Variants in HIVEP1 observed in about 807,000 individuals in gnomAD.
The protein encoded by HIVEP1 is HIVEP zinc finger 1.
HIVEP1 carries 36 observed loss-of-function variants against 180.0 expected under a neutral mutation model. That is an observed-to-expected ratio of 0.20 (90% CI 0.15 to 0.26). The LOEUF (loss-of-function observed/expected upper bound fraction) is 0.26, where lower values mean the gene tolerates loss of function less well. Among genes scored for constraint, HIVEP1 ranks in the 10% least tolerant of loss-of-function variants. The pLI is 1.00. For synonymous variants in HIVEP1, 1,239 were observed against 1,239.0 expected (o/e 1.00, Z 0.00); for missense variants, 3,143 against 3,268.7 (o/e 0.96, Z 0.94).
At chr6:12,181,000 G>A in the HIVEP1 span, among the ~76,000 whole-genome samples, 2 of 152,190 alleles carry the variant, frequency 1.3e-5, no homozygotes, top group African/African-American at 4.8e-5. Flanking sequence ...AAGACCTCAT[G>A]CTCTGAATAT....
the HIVEP1 span, among the ~76,000 whole-genome samples, chr6:12,207,921 A>AAT: frequency 6.6e-6 from 1 of 150,866 alleles, no homozygotes; most frequent in Admixed American, 6.6e-5. Context: ...AAAAAAAAAA[A>AAT]TCTAGATTTA....
chr6:12,194,575 T>G, the HIVEP1 span, among the ~76,000 whole-genome samples: 1 of 147,092 alleles, frequency 6.8e-6, no homozygotes, highest in African/African-American at 2.4e-5. Flanking sequence ...CCGAGGTGGG[T>G]GGGTCACTTT....
In HIVEP1 at chr6:12,124,707, A is replaced by T; in HGVS notation, c.4912A>T (p.Ile1638Leu). The T allele has an allele frequency of 6.2e-7, 1 of 1,614,188 alleles. No individual in the cohort carries two copies. Among genetic ancestry groups the T allele is most frequent in the Non-Finnish European group, 8.5e-7 (1 of 1,180,030 alleles). ...QKVPSSFMLPIRLQSSVPAYC... is the reference protein window; with the variant it reads ...QKVPSSFMLPLRLQSSVPAYC... The stretch of plus-strand genomic sequence containing the variant: ...GGTGCCATCATCATTCATGCTGCCC[A>T]TACGCCTGCAGAGTAGTGTTCCTGC... Residue 1638 changes from isoleucine (I) to leucine (L), a missense_variant, in exon 4 of 9, where the codon ATA becomes TTA. This residue lies in a region of HIVEP1 where 1,357 missense variants were observed against 1,260.5 expected (regional missense o/e 1.08). Transcript: ENST00000379388.
chr6:12,146,677 G>A (rs1321730592), intron 7 of HIVEP1, among the ~76,000 whole-genome samples: 1 of 152,038 alleles, frequency 6.6e-6, no homozygotes, highest in Non-Finnish European at 1.5e-5. Context: ...TGACTATTCT[G>A]TGTTCTCATC....
rs767511107 is a variant in HIVEP1 at position 12,123,176 on chromosome 6, G to A, written c.3381G>A (p.Gln1127=). The A allele has an allele frequency of 1.2e-6, 2 of 1,614,218 alleles. No individual in the cohort carries two copies. Among genetic ancestry groups the A allele is most frequent in the Admixed American group, 1.7e-5 (1 of 60,028 alleles). The part of the protein sequence containing the change: ...SSAAQDKIEL[Q]RHGTGISVIQ... The stretch of plus-strand genomic sequence containing the variant: ...CAGCCCAGGACAAGATAGAACTGCA[G>A]AGACACGGAACTGGAATCTCTGTCA... Residue 1127 remains glutamine, a synonymous_variant, in exon 4 of 9, where the codon CAG becomes CAA. Coordinates refer to ENST00000379388, the MANE Select transcript of HIVEP1 (RefSeq NM_002114.4).
intron 2 of HIVEP1, among the ~76,000 whole-genome samples, chr6:12,046,865 G>GTGTGTGTGTGTC (rs1561885747): frequency 6.6e-6 from 1 of 151,560 alleles, no homozygotes; most frequent in African/African-American, 2.4e-5. Flanking sequence ...GTGTGTGTGT[G>GTGTGTGTGTGTC]TGTGTGTGTG....
intron 2 of HIVEP1, among the ~76,000 whole-genome samples, chr6:12,084,704 TA>T (rs374052169): frequency 2.0e-5 from 3 of 152,262 alleles, no homozygotes; most frequent in African/African-American, 7.2e-5. Context: ...CCTCTGTCAG[TA>T]AACAGAGGTG....
downstream of HIVEP1, chr6:12,165,041 A>T: frequency 2.1e-6 from 1 of 471,416 alleles, no homozygotes; most frequent in Admixed American, 2.4e-5. Context: ...TCCAGTGATC[A>T]GTGATCTGCA....
chr6:12,096,684 G>A (rs547539853), intron 3 of HIVEP1, among the ~76,000 whole-genome samples: 8 of 151,640 alleles, frequency 5.3e-5, no homozygotes, highest in South Asian at 2.1e-4. Flanking sequence ...GGCTAATTTC[G>A]AATAAATATT....
chr6:12,134,780 A>C (rs891495875), intron 6 of HIVEP1, among the ~76,000 whole-genome samples: 1 of 152,210 alleles, frequency 6.6e-6, no homozygotes, highest in South Asian at 2.1e-4. Context: ...AGTGGTTCTC[A>C]GCTAGCATGG....
intron 3 of HIVEP1, among the ~76,000 whole-genome samples, chr6:12,115,967 T>C (rs1417909979): frequency 6.6e-6 from 1 of 151,792 alleles, no homozygotes; most frequent in Non-Finnish European, 1.5e-5. Context: ...ATGTATTTTA[T>C]ATTTAATTCA....
At chr6:12,095,550 TAATTG>T (rs1773736432) in intron 3 of HIVEP1, among the ~76,000 whole-genome samples, 1 of 150,262 alleles carries the variant, frequency 6.7e-6, no homozygotes, top group African/African-American at 2.4e-5. Flanking sequence ...ATTTCTCACT[TAATTG>T]CATTGTATTG....
At chr6:12,175,831 C>T in the HIVEP1 span, among the ~76,000 whole-genome samples, 1 of 152,104 alleles carries the variant, frequency 6.6e-6, no homozygotes, top group African/African-American at 2.4e-5. Context: ...TTGTAGATGA[C>T]GCGGCACCAT....
At chr6:12,017,142 C>T (rs1309931095) in intron 2 of HIVEP1, among the ~76,000 whole-genome samples, 4 of 152,142 alleles carry the variant, frequency 2.6e-5, no homozygotes, top group South Asian at 2.1e-4. Context: ...AAATGACTAT[C>T]CTGAGAAACA....
chr6:12,182,534 A>G, the HIVEP1 span, among the ~76,000 whole-genome samples: 1 of 152,206 alleles, frequency 6.6e-6, no homozygotes, highest in African/African-American at 2.4e-5. Flanking sequence ...AGTGATTTCA[A>G]AGAAGGTTTT....
chr6:12,147,736 A>G (rs1273539100), intron 7 of HIVEP1, among the ~76,000 whole-genome samples: 1 of 152,212 alleles, frequency 6.6e-6, no homozygotes, highest in Non-Finnish European at 1.5e-5. Context: ...TCTCCACCAG[A>G]TGGAGTTTAA....
chr6:12,122,435 A>G lies in HIVEP1; in HGVS notation c.2640A>G (p.Val880=), dbSNP rs373063986. 19 of 1,614,232 alleles carry G rather than the reference A, an allele frequency of 1.2e-5. No homozygotes were observed. Among genetic ancestry groups the G allele is most frequent in the Middle Eastern group, 1.6e-4 (1 of 6,062 alleles). The change falls in exon 4 of 9, where the codon GTA becomes GTG. Residue 880 remains valine (V), a synonymous_variant. Coordinates refer to ENST00000379388, the MANE Select transcript of HIVEP1 (RefSeq NM_002114.4). ...GCGCTTTCTATGATGATGTCTTTGT[A>G]TCGGGACCTAACGCTCCTGTGCCCC... ...KIGAFYDDVF[V]SGPNAPVPQS...
intron 3 of HIVEP1, among the ~76,000 whole-genome samples, chr6:12,105,543 G>A (rs1401105207): frequency 6.6e-6 from 1 of 152,086 alleles, no homozygotes; most frequent in African/African-American, 2.4e-5. Context: ...GTAATCTGTT[G>A]TCCTGAGAGG....
At chr6:12,017,007 G>C (rs1172745069) in intron 2 of HIVEP1, among the ~76,000 whole-genome samples, 1 of 152,202 alleles carries the variant, frequency 6.6e-6, no homozygotes, top group East Asian at 1.9e-4. Context: ...GTTCCTGGCA[G>C]CTAATGGCAG....
Sources: gnomAD v4.1 joint callset for allele counts (sites outside exome capture counted in the v4.1 genomes callset) on GRCh38, gnomAD v4.1.1 for gene constraint, gnomAD v4.1.1 regional missense constraint, MANE v1.5 for transcripts, NCBI Gene and HGNC (gene_info 2026-07-23, HGNC 2026-07-21) for gene names.